PGS1: variants seen among roughly 807,000 people sequenced by gnomAD.
The protein encoded by PGS1 is phosphatidylglycerophosphate synthase 1.
Under a neutral mutation model 58.3 loss-of-function variants are expected in PGS1, and 44 were observed. The ratio of observed to expected loss-of-function variants is 0.75; its 90% CI spans 0.59 to 0.97. The LOEUF is 0.97. Among genes scored for constraint, PGS1 ranks in the 50% least tolerant of loss-of-function variants. The pLI, the probability that PGS1 is intolerant of heterozygous loss-of-function variation, is 0.00. For synonymous variants in PGS1, 330 were observed against 311.0 expected (o/e 1.06, Z -0.64); for missense variants, 684 against 731.1 (o/e 0.94, Z 0.74).
rs2086290813 is a variant in PGS1, at chr17:78,424,241, G to GC, written c.*194dup. 2.0e-6 allele frequency: 3 copies of GC among 1,471,502 alleles called. No individual in the cohort carries two copies. The highest frequency in any genetic ancestry group is 2.7e-6 in the Non-Finnish European group (3 of 1,103,020). The allele number at this position is 1,471,502 out of a possible 1,614,324, so 91.2% of individuals were successfully genotyped here. ...GAAGGGTGGGGTCCTCACACTCCCCGCCCTCTGCAGAGCTGGGCTCTACCC... is the reference window on the plus strand; with the variant it reads ...GAAGGGTGGGGTCCTCACACTCCCCGCCCCTCTGCAGAGCTGGGCTCTACCC... On this transcript the variant is annotated 3_prime_UTR_variant, in exon 10 of 10. Transcript: ENST00000262764.
intron 7 of PGS1, among the ~76,000 whole-genome samples, chr17:78,409,274 T>C (rs2084420521): frequency 6.6e-6 from 1 of 152,248 alleles, no homozygotes; most frequent in Non-Finnish European, 1.5e-5. Context: ...AGTTTTAGCA[T>C]GTTGACTTCC....
At chr17:78,404,396 G>A (rs964150427) in intron 7 of PGS1, among the ~76,000 whole-genome samples, 6 of 147,674 alleles carry the variant, frequency 4.1e-5, no homozygotes, top group Non-Finnish European at 5.9e-5. Flanking sequence ...TCCTCCCACC[G>A]TAGCCTCCTG....
chr17:78,423,899 G>A, intron 9 of PGS1, 162 bp from the exon 10 acceptor site: 3 of 1,613,702 alleles, frequency 1.9e-6, no homozygotes, highest in Non-Finnish European at 2.5e-6. Context: ...TGTGAGGCAG[G>A]AGCGAGCTAA....
At chr17:78,381,133 T>G (rs1169268019) in intron 1 of PGS1, 1 of 152,256 alleles carries the variant, frequency 6.6e-6, no homozygotes, top group East Asian at 1.9e-4. Context: ...TGTGAGCCAC[T>G]GCGCCCAGCC....
chr17:78,409,658 T>C lies in PGS1; in HGVS notation c.1403-5221T>C, dbSNP rs2146276034. Among the ~76,000 whole-genome samples the C allele has an allele frequency of 2.6e-5, 4 of 152,328 alleles. 1 individual carries two copies. The Middle Eastern group carries it at 0.014, about 518-fold the overall frequency. On this transcript the variant is annotated intron_variant, in intron 7 of 9. Transcript: ENST00000262764. ...TACTAATGTCAGAGCAGGTGAGTGCTTATCCTGTAAGGATAAGCCTGTGAT... is the reference window on the plus strand; with the variant it reads ...TACTAATGTCAGAGCAGGTGAGTGCCTATCCTGTAAGGATAAGCCTGTGAT...
At chr17:78,423,121 G>T (rs1419372708) in intron 9 of PGS1, among the ~76,000 whole-genome samples, 1 of 99,762 alleles carries the variant, frequency 1.0e-5, no homozygotes, top group Admixed American at 9.4e-5. Flanking sequence ...AAAAAAAAAT[G>T]TTGATCCTGT....
chr17:78,417,818 C>A (rs1351953250), intron 8 of PGS1, among the ~76,000 whole-genome samples: 3 of 151,622 alleles, frequency 2.0e-5, no homozygotes, highest in African/African-American at 7.3e-5. Context: ...TGTGTGAGCG[C>A]TGCCAGGCGC....
At position 78,398,368 on chromosome 17, in the gene PGS1, C is replaced by A; in HGVS notation, c.511+17C>A. The A allele has an allele frequency of 6.4e-7, 1 of 1,557,518 alleles. No individual in the cohort carries two copies. The highest frequency in any genetic ancestry group is 8.9e-7 in the Non-Finnish European group (1 of 1,129,244). On this transcript the variant is annotated intron_variant, in intron 4 of 9. Coordinates refer to ENST00000262764, the MANE Select transcript of PGS1 (RefSeq NM_024419.5). ...GCTCACGAGGTAGGTGGCATGCAAGCCTGGCCCCTCCTGCTTCCTGTGTCA... is the reference window on the plus strand; with the variant it reads ...GCTCACGAGGTAGGTGGCATGCAAGACTGGCCCCTCCTGCTTCCTGTGTCA...
At position 78,404,162 on chromosome 17, in the gene PGS1, GGC is replaced by G. The variant is rs1226565916; in HGVS notation, c.1402+76_1402+77del. ...ACATGGGCAGGGGGTGGGGAGCCCTGGCGCCTACCTGTTAGAGTGCTGTACTT... is the reference window on the plus strand; with the variant it reads ...ACATGGGCAGGGGGTGGGGAGCCCTGGCCTACCTGTTAGAGTGCTGTACTT... On this transcript the variant is annotated intron_variant, in intron 7 of 9. Transcript: ENST00000262764. 7.7e-6 allele frequency: 11 copies of G among 1,431,096 alleles called. No homozygotes were observed. In the East Asian group the frequency reaches 2.7e-4, roughly 36 times the overall value. The allele number at this position is 1,431,096 out of a possible 1,614,324, so 88.6% of individuals were successfully genotyped here.
chr17:78,399,973 A>G, intron 5 of PGS1: 1 of 255,678 alleles, frequency 3.9e-6, no homozygotes, highest in Non-Finnish European at 7.8e-6. Flanking sequence ...CAGTGGGGCC[A>G]GGATTGGGTT....
chr17:78,410,793 A>G (rs2084615636), intron 7 of PGS1, among the ~76,000 whole-genome samples: 1 of 151,844 alleles, frequency 6.6e-6, no homozygotes, highest in African/African-American at 2.4e-5. Context: ...TTTTACACTT[A>G]ATTTGACCTT....
At chr17:78,423,934 G>A in intron 9 of PGS1, 127 bp from the exon 10 acceptor site, 1 of 1,613,986 alleles carries the variant, frequency 6.2e-7, no homozygotes, top group Non-Finnish European at 8.5e-7. Context: ...CGCCACGGCT[G>A]CCAGGATCCA....
At chr17:78,422,545 C>T (rs193141697) in intron 9 of PGS1, among the ~76,000 whole-genome samples, 233 of 125,248 alleles carry the variant, frequency 1.9e-3, no homozygotes, top group African/African-American at 6.2e-3. Flanking sequence ...GTCACCCAGG[C>T]TGGAGTGAGT....
chr17:78,406,519 G>T (rs1429223149), intron 7 of PGS1, among the ~76,000 whole-genome samples: 4 of 152,220 alleles, frequency 2.6e-5, no homozygotes, highest in Non-Finnish European at 4.4e-5. Context: ...AGGCCCACAG[G>T]CCTGTCTAGG....
chr17:78,414,885 G>C lies in PGS1; in HGVS notation c.1409G>C (p.Trp470Ser). ...RGWTFHAKGL[W>S]LYLAGSSLPC... ...CGTTTCCTTTTCCCCGCAGGCCTCT[G>C]GCTGTACCTGGCAGGGAGCAGCCTG... is the stretch of plus-strand genomic sequence containing the variant. Residue 470 changes from tryptophan (W) to serine (S), a missense_variant, in exon 8 of 10, where the codon TGG (tryptophan) becomes TCG (serine). Physicochemically the swap from Trp to Ser is radical, Grantham distance 177. Coordinates refer to ENST00000262764, the MANE Select transcript of PGS1 (RefSeq NM_024419.5). The C allele has an allele frequency of 6.2e-7, 1 of 1,614,094 alleles. No homozygotes were observed. The highest frequency in any genetic ancestry group is 8.5e-7 in the Non-Finnish European group (1 of 1,179,998).
At chr17:78,380,382 T>G (rs1311467136) in intron 1 of PGS1, among the ~76,000 whole-genome samples, 1 of 152,174 alleles carries the variant, frequency 6.6e-6, no homozygotes, top group Non-Finnish European at 1.5e-5. Context: ...TGCTTCATGG[T>G]GATCTATGGT....
In PGS1 at chr17:78,424,229, C is replaced by T; in HGVS notation, c.*179C>T. The T allele has an allele frequency of 6.6e-7, 1 of 1,517,330 alleles. No homozygotes were observed. The highest frequency in any genetic ancestry group is 8.8e-7 in the Non-Finnish European group (1 of 1,131,590). 94.0% of individuals were successfully genotyped at this position (1,517,330 alleles called of 1,614,324 possible). ...AGGGGCTGGCAGGAAGGGTGGGGTC[C>T]TCACACTCCCCGCCCTCTGCAGAGC... On this transcript the variant is annotated 3_prime_UTR_variant, in exon 10 of 10. Transcript: ENST00000262764.
intron 7 of PGS1, among the ~76,000 whole-genome samples, chr17:78,413,687 C>T (rs1035773013): frequency 2.6e-5 from 4 of 152,228 alleles, no homozygotes; most frequent in African/African-American, 9.6e-5. Context: ...GCCTGGGTGC[C>T]CTGTGGGAGG....
At chr17:78,399,716 C>T (rs973708725) in intron 5 of PGS1, among the ~76,000 whole-genome samples, 179 bp downstream of exon 5, 36 of 152,204 alleles carry the variant, frequency 2.4e-4, no homozygotes, top group African/African-American at 8.4e-4. Flanking sequence ...TAGAATTCCC[C>T]GGGGGCTGAC....
Sources: gnomAD v4.1 joint callset for allele counts (sites outside exome capture counted in the v4.1 genomes callset) on GRCh38, gnomAD v4.1.1 for gene constraint, MANE v1.5 for transcripts, NCBI Gene and HGNC (gene_info 2026-07-23, HGNC 2026-07-21) for gene names.